The following GRM8 variants were observed in gnomAD, a reference collection of about 807,000 sequenced individuals.
GRM8 encodes glutamate metabotropic receptor 8, also known as metabotropic glutamate receptor 8.
Under a neutral mutation model 87.2 loss-of-function variants are expected in GRM8, and 47 were observed. That is an observed-to-expected ratio of 0.54 (90% confidence interval 0.43 to 0.69). GRM8 has a LOEUF of 0.69. Ranked by LOEUF, GRM8 falls within the 30% of genes least tolerant of loss-of-function variation. The pLI is 0.00. For missense variants in GRM8, 1,019 were observed against 1,139.2 expected (o/e 0.89, Z 1.52); for synonymous variants, 396 against 404.5 (o/e 0.98, Z 0.25).
intron 6 of GRM8, among the ~76,000 whole-genome samples, chr7:126,796,982 T>A (rs1400727593): frequency 2.0e-5 from 3 of 152,038 alleles, no homozygotes; most frequent in African/African-American, 7.2e-5. Context: ...AAATTCAAAT[T>A]TCAGGATCAG....
At position 126,790,803 on chromosome 7, in the gene GRM8, C is replaced by T. The variant is rs117843379; in HGVS notation, c.1157-20738G>A. Among the ~76,000 whole-genome samples, 55 of 152,122 alleles carry T rather than the reference C, an allele frequency of 3.6e-4. 1 individual carries two copies. The highest frequency in any genetic ancestry group is 3.3e-3 in the East Asian group (17 of 5,164). On this transcript the variant is annotated intron_variant, in intron 6 of 10. Transcript: ENST00000339582. ...ATGAGGAAGGGCAGCAGCGATGCTCCGTAAAGTGTGGATGCAGACAGTAAT... is the reference window on the plus strand; with the variant it reads ...ATGAGGAAGGGCAGCAGCGATGCTCTGTAAAGTGTGGATGCAGACAGTAAT...
At chr7:126,868,983 A>G (rs1798848867) in intron 6 of GRM8, 1 of 152,224 alleles carries the variant, frequency 6.6e-6, no homozygotes, top group South Asian at 2.1e-4. Context: ...TTACCTACAG[A>G]AAAACTTTTC....
intron 6 of GRM8, among the ~76,000 whole-genome samples, chr7:126,795,602 TAAC>T (rs2151689312): frequency 6.6e-6 from 1 of 152,184 alleles, no homozygotes; most frequent in African/African-American, 2.4e-5. Flanking sequence ...GAGTCATGAG[TAAC>T]AACCACCTCT....
chr7:127,010,239 C>T (rs192623446), intron 3 of GRM8, among the ~76,000 whole-genome samples: 2 of 152,214 alleles, frequency 1.3e-5, no homozygotes, highest in East Asian at 3.9e-4. Flanking sequence ...ACAGAACTGG[C>T]CAATATTTAA....
chr7:126,669,841 T>C (rs1400086813), intron 7 of GRM8, among the ~76,000 whole-genome samples: 1 of 152,222 alleles, frequency 6.6e-6, no homozygotes, highest in Non-Finnish European at 1.5e-5. Context: ...CATGGAAATA[T>C]AAATTTTTGC....
At chr7:126,694,237 C>A (rs911073693) in intron 7 of GRM8, among the ~76,000 whole-genome samples, 2 of 152,054 alleles carry the variant, frequency 1.3e-5, no homozygotes, top group Non-Finnish European at 2.9e-5. Context: ...TAGACATGCA[C>A]CATCTAAAAC....
At chr7:126,859,895 T>C (rs186787222) in intron 6 of GRM8, among the ~76,000 whole-genome samples, 1 of 152,244 alleles carries the variant, frequency 6.6e-6, no homozygotes, top group Non-Finnish European at 1.5e-5. Context: ...ATATGTTAAC[T>C]GGGAAGAGTG....
At chr7:126,571,522 G>T (rs767187690) in intron 8 of GRM8, among the ~76,000 whole-genome samples, 4 of 152,224 alleles carry the variant, frequency 2.6e-5, no homozygotes, top group Admixed American at 6.5e-5. Context: ...TTAAGAAAAT[G>T]AACAAAATTC....
chr7:127,156,108 G>C (rs917392844), intron 2 of GRM8, among the ~76,000 whole-genome samples: 4 of 152,194 alleles, frequency 2.6e-5, no homozygotes, highest in Non-Finnish European at 4.4e-5. Context: ...AGGAGAAAGA[G>C]ATTGGTCGTA....
At chr7:126,996,734 G>C (rs1289796657) in intron 3 of GRM8, among the ~76,000 whole-genome samples, 1 of 152,008 alleles carries the variant, frequency 6.6e-6, no homozygotes, top group Non-Finnish European at 1.5e-5. Flanking sequence ...AATTCAGCAA[G>C]AGGATATAAC....
At chr7:126,852,585 T>C (rs1441066813) in intron 6 of GRM8, among the ~76,000 whole-genome samples, 2 of 152,184 alleles carry the variant, frequency 1.3e-5, no homozygotes, top group African/African-American at 4.8e-5. Flanking sequence ...CTAGAAAGAT[T>C]AGAAATTGCT....
intron 6 of GRM8, among the ~76,000 whole-genome samples, chr7:126,822,532 C>A (rs947798400): frequency 5.3e-5 from 8 of 149,682 alleles, no homozygotes; most frequent in African/African-American, 1.7e-4. Flanking sequence ...CCTTCCTTGT[C>A]TCTCTCTTTC....
intron 2 of GRM8, chr7:127,112,108 C>T (rs1031415791): frequency 2.6e-5 from 4 of 152,154 alleles, no homozygotes; most frequent in Non-Finnish European, 5.9e-5. Flanking sequence ...AGAATATAGC[C>T]CAGACCTCCT....
chr7:126,800,362 T>C (rs1822524880), intron 6 of GRM8, among the ~76,000 whole-genome samples: 1 of 152,156 alleles, frequency 6.6e-6, no homozygotes, highest in Non-Finnish European at 1.5e-5. Flanking sequence ...TTCTCACTCC[T>C]GTACTATGAA....
chr7:126,662,181 G>A (rs1805248346), intron 7 of GRM8, among the ~76,000 whole-genome samples: 1 of 152,114 alleles, frequency 6.6e-6, no homozygotes, highest in East Asian at 1.9e-4. Context: ...AGACTGCAAA[G>A]GGATCTCTTA....
At chr7:126,593,585 A>C (rs958452776) in intron 8 of GRM8, among the ~76,000 whole-genome samples, 4 of 152,042 alleles carry the variant, frequency 2.6e-5, no homozygotes, top group Admixed American at 6.6e-5. Context: ...CTCACATCAT[A>C]TGAAAATTAA....
At chr7:126,563,903 T>C (rs1793960545) in intron 8 of GRM8, among the ~76,000 whole-genome samples, 1 of 152,226 alleles carries the variant, frequency 6.6e-6, no homozygotes, top group South Asian at 2.1e-4. Flanking sequence ...AGAAAGTGCT[T>C]ATCGCTAGAA....
chr7:126,648,718 T>C (rs1192957806), intron 7 of GRM8, among the ~76,000 whole-genome samples: 1 of 152,222 alleles, frequency 6.6e-6, no homozygotes, highest in Non-Finnish European at 1.5e-5. Flanking sequence ...AGAAACTCCA[T>C]TATCTGAAAC....
intron 6 of GRM8, among the ~76,000 whole-genome samples, chr7:126,898,463 G>A (rs976733356): frequency 2.0e-5 from 3 of 152,054 alleles, no homozygotes; most frequent in African/African-American, 7.2e-5. Context: ...AGTTATTTTG[G>A]TATCACCCAC....
Sources: gnomAD v4.1 joint callset for allele counts (sites outside exome capture counted in the v4.1 genomes callset) on GRCh38, gnomAD v4.1.1 for gene constraint, MANE v1.5 for transcripts, NCBI Gene and HGNC (gene_info 2026-07-23, HGNC 2026-07-21) for gene names.